NRG3: variants seen among roughly 807,000 people sequenced by gnomAD.
The protein encoded by NRG3 is pro-neuregulin-3, membrane-bound isoform.
In NRG3, 31 loss-of-function variants were observed where a neutral mutation model predicts 66.9. That is an observed-to-expected ratio of 0.46 (90% CI 0.35 to 0.63). The LOEUF is 0.63. Ranked by LOEUF, NRG3 falls within the 20% of genes least tolerant of loss-of-function variation. The probability of loss-of-function intolerance (pLI) is 0.00; values close to 1 mark genes in which losing one functional copy is unlikely to be tolerated. For synonymous variants in NRG3, 393 were observed against 359.4 expected (o/e 1.09, Z -1.06); for missense variants, 910 against 878.9 (o/e 1.04, Z -0.45).
chr10:82,583,201 T>A (rs2046464641), intron 2 of NRG3, among the ~76,000 whole-genome samples: 1 of 152,114 alleles, frequency 6.6e-6, no homozygotes, highest in African/African-American at 2.4e-5. Flanking sequence ...ACATTAGAAG[T>A]AAATGCCTAA....
intron 1 of NRG3, among the ~76,000 whole-genome samples, chr10:82,258,284 T>G (rs7073811): frequency 6.6e-6 from 1 of 151,988 alleles, no homozygotes; most frequent in East Asian, 1.9e-4. Flanking sequence ...TTATCATTTT[T>G]AGGTGTCCTC....
chr10:82,480,921 A>G (rs1282213564), intron 2 of NRG3, among the ~76,000 whole-genome samples: 1 of 152,248 alleles, frequency 6.6e-6, no homozygotes, highest in African/African-American at 2.4e-5. Context: ...CCAGTGTTGG[A>G]GGACGATTTG....
intron 1 of NRG3, among the ~76,000 whole-genome samples, chr10:81,941,275 C>T (rs1007880928): frequency 8.6e-5 from 13 of 152,036 alleles, no homozygotes; most frequent in African/African-American, 2.7e-4. Flanking sequence ...TTGAATCTCA[C>T]CACTAAAAAT....
intron 1 of NRG3, among the ~76,000 whole-genome samples, chr10:82,193,237 G>A (rs1216687254): frequency 2.0e-5 from 3 of 152,110 alleles, no homozygotes; most frequent in African/African-American, 7.2e-5. Flanking sequence ...CTGTCTCCTG[G>A]GTTCAAGCGA....
intron 1 of NRG3, among the ~76,000 whole-genome samples, chr10:81,981,078 CCTT>C (rs1167158324): frequency 6.6e-6 from 1 of 152,162 alleles, no homozygotes; most frequent in African/African-American, 2.4e-5. Flanking sequence ...AAATCCCTGT[CCTT>C]CTCATATGCA....
intron 2 of NRG3, among the ~76,000 whole-genome samples, chr10:82,635,345 G>T (rs1195067879): frequency 6.6e-6 from 1 of 152,108 alleles, no homozygotes; most frequent in Non-Finnish European, 1.5e-5. Flanking sequence ...AAGCTCCAAA[G>T]ACCCCAAATT....
intron 1 of NRG3, among the ~76,000 whole-genome samples, chr10:82,007,447 T>C (rs933469812): frequency 2.6e-5 from 4 of 152,092 alleles, no homozygotes; most frequent in African/African-American, 7.2e-5. Flanking sequence ...GACTTTGTGA[T>C]CTGCATGCCT....
intron 1 of NRG3, among the ~76,000 whole-genome samples, chr10:82,011,308 A>G (rs1589772878): frequency 6.6e-6 from 1 of 152,278 alleles, no homozygotes; most frequent in Middle Eastern, 3.4e-3. Context: ...CACTATTACA[A>G]GAACAGTATG....
At chr10:82,772,932 T>G (rs1212995341) in intron 3 of NRG3, among the ~76,000 whole-genome samples, 1 of 152,024 alleles carries the variant, frequency 6.6e-6, no homozygotes, top group African/African-American at 2.4e-5. Flanking sequence ...CTTGAACTCC[T>G]AGGCTCAAGT....
At chr10:82,585,577 G>A (rs998687617) in intron 2 of NRG3, among the ~76,000 whole-genome samples, 1 of 152,032 alleles carries the variant, frequency 6.6e-6, no homozygotes, top group Non-Finnish European at 1.5e-5. Flanking sequence ...TCCTCATGTG[G>A]GCCTGCCAGA....
At chr10:82,640,085 T>C (rs1203032300) in intron 2 of NRG3, among the ~76,000 whole-genome samples, 1 of 152,184 alleles carries the variant, frequency 6.6e-6, no homozygotes, top group Non-Finnish European at 1.5e-5. Context: ...TCCGTGTTCC[T>C]GCAGAGGACA....
intron 3 of NRG3, among the ~76,000 whole-genome samples, chr10:82,839,494 A>G (rs1038432705): frequency 5.3e-5 from 8 of 151,766 alleles, no homozygotes; most frequent in African/African-American, 1.4e-4. Flanking sequence ...AAAAGACTCT[A>G]CAATACCATC....
At chr10:82,311,793 T>C (rs920023923) in intron 1 of NRG3, among the ~76,000 whole-genome samples, 4 of 152,178 alleles carry the variant, frequency 2.6e-5, no homozygotes, top group Non-Finnish European at 5.9e-5. Context: ...AACTGAGGCA[T>C]AGAGAGGTTA....
intron 1 of NRG3, among the ~76,000 whole-genome samples, chr10:81,942,238 A>C (rs1848464567): frequency 1.3e-5 from 2 of 152,100 alleles, no homozygotes; most frequent in Admixed American, 6.6e-5. Context: ...ACATAACAGA[A>C]ATGCGACTGC....
At chr10:81,969,015 C>A (rs2059831410) in intron 1 of NRG3, among the ~76,000 whole-genome samples, 1 of 152,130 alleles carries the variant, frequency 6.6e-6, no homozygotes, top group Non-Finnish European at 1.5e-5. Context: ...ACCTGAGTTT[C>A]CTGTGGGTTA....
At chr10:82,237,428 T>A (rs2076809258) in intron 1 of NRG3, among the ~76,000 whole-genome samples, 1 of 152,188 alleles carries the variant, frequency 6.6e-6, no homozygotes, top group Admixed American at 6.5e-5. Context: ...CTTACAACAA[T>A]TTGTAATTTT....
intron 2 of NRG3, among the ~76,000 whole-genome samples, chr10:82,634,832 A>G (rs1387809467): frequency 6.6e-6 from 1 of 152,184 alleles, no homozygotes; most frequent in Non-Finnish European, 1.5e-5. Context: ...GTTGGATTTT[A>G]TAATGTTACA....
intron 1 of NRG3, among the ~76,000 whole-genome samples, chr10:82,295,916 C>A (rs55671475): frequency 0.47 from 70,659 of 150,464 alleles, 19,829 homozygotes; most frequent in African/African-American, 0.8. Flanking sequence ...ACAAAAAAAA[C>A]CCCTATTTTA....
intron 1 of NRG3, among the ~76,000 whole-genome samples, chr10:82,261,575 G>A (rs900403772): frequency 3.9e-5 from 6 of 152,156 alleles, no homozygotes; most frequent in Admixed American, 3.3e-4. Flanking sequence ...CTTCAGAGCT[G>A]AGAGCCCCAA....
Sources: allele counts gnomAD v4.1 joint callset (sites outside exome capture counted in the v4.1 genomes callset), GRCh38; gene constraint gnomAD v4.1.1; transcripts MANE v1.5; gene names NCBI Gene and HGNC (gene_info 2026-07-23, HGNC 2026-07-21).